Variants in CEP192 observed in about 807,000 individuals in gnomAD.
CEP192 encodes the protein centrosomal protein 192.
A neutral mutation model predicts 271.8 loss-of-function variants in CEP192; 151 were observed. The ratio of observed to expected loss-of-function variants is 0.56; its 90% CI spans 0.49 to 0.64. The LOEUF is 0.64. CEP192 is among the 30% of genes least tolerant of loss of function. CEP192 has a pLI of 0.00. For synonymous variants in CEP192, 995 were observed against 1,076.5 expected, an observed-to-expected ratio of 0.92 and a Z score of 1.48; for missense variants, 2,910 against 3,020.5, an observed-to-expected ratio of 0.96 and a Z score of 0.86.
chr18:13,084,346 C>G (rs1003830675), intron 30 of CEP192, among the ~76,000 whole-genome samples: 1 of 152,186 alleles, frequency 6.6e-6, no homozygotes, highest in Non-Finnish European at 1.5e-5. Flanking sequence ...GCCCCTCCCC[C>G]CGTCAGGCTA....
At chr18:13,083,756 A>G (rs2038749769) in intron 30 of CEP192, among the ~76,000 whole-genome samples, 1 of 152,088 alleles carries the variant, frequency 6.6e-6, no homozygotes, top group Non-Finnish European at 1.5e-5. Flanking sequence ...TTGTGGTTTT[A>G]TCTACCTTTG....
chr18:13,000,091 C>CT (rs775544715), intron 2 of CEP192, among the ~76,000 whole-genome samples: 819 of 76,556 alleles, frequency 0.011, 53 homozygotes, highest in East Asian at 0.031. Context: ...TGTCTTCTCT[C>CT]TTTTTTTTTT....
At chr18:12,998,773 A>AAC (rs1427379947) in intron 1 of CEP192, among the ~76,000 whole-genome samples, 3 of 152,190 alleles carry the variant, frequency 2.0e-5, no homozygotes, top group Non-Finnish European at 4.4e-5. Flanking sequence ...GTACTCTGAA[A>AAC]AATTGTTGAG....
At chr18:13,051,337 C>A (rs559457292) in intron 17 of CEP192, among the ~76,000 whole-genome samples, 1 of 151,896 alleles carries the variant, frequency 6.6e-6, no homozygotes, top group Non-Finnish European at 1.5e-5. Flanking sequence ...GAACATTTTC[C>A]GTGCTGTATC....
At chr18:13,043,472 TTATC>T (rs1204254969) in intron 15 of CEP192, among the ~76,000 whole-genome samples, 6 of 152,254 alleles carry the variant, frequency 3.9e-5, no homozygotes, top group Admixed American at 1.3e-4. Context: ...TTCGGTCTGT[TTATC>T]TATCTTGTGT....
intron 40 of CEP192, among the ~76,000 whole-genome samples, chr18:13,113,133 C>A (rs2040279144): frequency 6.6e-6 from 1 of 152,182 alleles, no homozygotes; most frequent in African/African-American, 2.4e-5. Flanking sequence ...TCTTGTTCTG[C>A]CTCCTGTAGC....
chr18:13,026,682 G>A (rs72875805), intron 9 of CEP192, among the ~76,000 whole-genome samples: 198 of 152,226 alleles, frequency 1.3e-3, no homozygotes, highest in Non-Finnish European at 2.4e-3. Context: ...TGAGCCCAGC[G>A]TAGACATTCC....
chr18:13,101,881 T>G (rs1370468180), intron 38 of CEP192, among the ~76,000 whole-genome samples: 1 of 152,084 alleles, frequency 6.6e-6, no homozygotes, highest in African/African-American at 2.4e-5. Context: ...TTGTCACTTC[T>G]GGACTCCTGA....
chr18:13,075,785 G>A (rs1414882323), intron 30 of CEP192, among the ~76,000 whole-genome samples: 1 of 152,182 alleles, frequency 6.6e-6, no homozygotes, highest in East Asian at 1.9e-4. Flanking sequence ...TTGCACATGT[G>A]TAAACTGAGG....
At chr18:13,073,806 A>G (rs1444534535) in intron 30 of CEP192, among the ~76,000 whole-genome samples, 1 of 152,138 alleles carries the variant, frequency 6.6e-6, no homozygotes, top group Non-Finnish European at 1.5e-5. Flanking sequence ...CACTTCCCCA[A>G]AGGCCCCACC....
rs141649796 is a variant in CEP192, at chr18:13,055,843, C to T, written c.3253C>T (p.Arg1085Trp). ...AGGCAGTCCAGCCGCATTGGAGGAACGGGCTATGGAAAAATTGAGAGAAAA... is the reference window on the plus strand; with the variant it reads ...AGGCAGTCCAGCCGCATTGGAGGAATGGGCTATGGAAAAATTGAGAGAAAA... ...IQGSPAALEE[R>W]AMEKLREKVP... is the part of the protein sequence containing the mutation. Residue 1085 changes from arginine to tryptophan, a missense_variant, in exon 19 of 45, where the codon CGG becomes TGG. Physicochemically the swap from Arg to Trp is moderately radical, Grantham distance 101. Transcript: ENST00000506447. The T allele has an allele frequency of 2.7e-4, 433 of 1,611,648 alleles. No homozygotes were observed. Among genetic ancestry groups the T allele is most frequent in the Middle Eastern group, 5.0e-4 (3 of 6,046 alleles).
At chr18:13,015,614 G>T (rs951908617) in intron 6 of CEP192, among the ~76,000 whole-genome samples, 166 bp downstream of exon 6, 3 of 152,118 alleles carry the variant, frequency 2.0e-5, no homozygotes, top group Non-Finnish European at 2.9e-5. Context: ...TGGAATTGAA[G>T]AATTTATTTC....
chr18:13,036,118 C>T (rs991254919), intron 11 of CEP192, among the ~76,000 whole-genome samples: 27 of 151,486 alleles, frequency 1.8e-4, no homozygotes, highest in Middle Eastern at 3.2e-3. Flanking sequence ...TGCACCCCAG[C>T]CTGTGCAACA....
chr18:13,035,066 T>C (rs2035846262), intron 11 of CEP192, among the ~76,000 whole-genome samples: 1 of 152,196 alleles, frequency 6.6e-6, no homozygotes. Flanking sequence ...GAAGTTCTGC[T>C]TTCTTATTGG....
At chr18:12,998,108 T>G (rs1437281254) in intron 1 of CEP192, among the ~76,000 whole-genome samples, 4 of 152,244 alleles carry the variant, frequency 2.6e-5, no homozygotes, top group Non-Finnish European at 5.9e-5. Flanking sequence ...AATCTATGCT[T>G]TAATCCAATT....
At chr18:12,994,439 A>G (rs2033085869) in intron 1 of CEP192, among the ~76,000 whole-genome samples, 1 of 152,014 alleles carries the variant, frequency 6.6e-6, no homozygotes, top group South Asian at 2.1e-4. Context: ...AGAGGGTGGG[A>G]GAGAGTGACA....
chr18:13,093,804 A>T (rs1452751143), intron 34 of CEP192, among the ~76,000 whole-genome samples: 4 of 152,250 alleles, frequency 2.6e-5, no homozygotes, highest in Non-Finnish European at 5.9e-5. Flanking sequence ...ACCGCAAATA[A>T]TTCTAGACAG....
intron 18 of CEP192, 31 bp from the exon 19 acceptor site, chr18:13,055,749 G>A: frequency 2.8e-6 from 4 of 1,419,316 alleles, no homozygotes; most frequent in Non-Finnish European, 3.8e-6. Context: ...TTTATCTGTG[G>A]ATTATTAAAA....
rs564929765 is a variant in CEP192, at chr18:13,068,675, A to G, written c.4823-177A>G. 1.1e-4 allele frequency among the ~76,000 whole-genome samples: 17 copies of G among 152,228 alleles called. No individual in the cohort carries two copies. In the South Asian group the frequency reaches 2.3e-3, roughly 20 times the overall value. On this transcript the variant is annotated intron_variant, in intron 24 of 44. Transcript: ENST00000506447. ...TGATCTTATCACATTTACCAGTTGG[A>G]TGTTTTCTTTCTTTTATCACCTTTC...
Sources: allele counts gnomAD v4.1 joint callset (sites outside exome capture counted in the v4.1 genomes callset), GRCh38; gene constraint gnomAD v4.1.1; transcripts MANE v1.5; gene names NCBI Gene and HGNC (gene_info 2026-07-23, HGNC 2026-07-21).